Variants in GEMIN4 observed in about 807,000 individuals in gnomAD.
GEMIN4 encodes gem nuclear organelle associated protein 4, also known as gem-associated protein 4.
In GEMIN4, 59 loss-of-function variants were observed where a neutral mutation model predicts 76.8. The ratio of observed to expected loss-of-function variants is 0.77; its 90% confidence interval spans 0.62 to 0.95. GEMIN4 has a LOEUF of 0.95. GEMIN4 is among the 40% of genes least tolerant of loss of function. GEMIN4 has a pLI of 0.00. For synonymous variants in GEMIN4, 562 were observed against 559.7 expected, an observed-to-expected ratio of 1.00 and a Z score of -0.06; for missense variants, 1,311 against 1,318.9, an observed-to-expected ratio of 0.99 and a Z score of 0.09.
In GEMIN4 at chr17:745,350, G is replaced by C; in HGVS notation, c.2693C>G (p.Pro898Arg). 6.2e-7 allele frequency: 1 copy of C among 1,613,008 alleles called. No individual in the cohort carries two copies. The highest frequency in any genetic ancestry group is 8.5e-7 in the Non-Finnish European group (1 of 1,179,846). ...PYSLEYIQFV[P>R]LLNLKPFAQE... ...GGCAAAGGGCTTCAGGTTGAGCAGG[G>C]GAACAAACTGAATATATTCCAGGCT... Residue 898 changes from proline to arginine, a missense_variant, in exon 2 of 2, where the codon CCC becomes CGC. By Grantham distance (103) the Pro-to-Arg change is moderately radical (BLOSUM62 -2). Around this residue, in one of 2 missense-constraint regions of GEMIN4, gnomAD observed 1,208 missense variants for 1,166.9 expected, o/e 1.04. Transcript: ENST00000319004. The surrounding 1 kb of genome is among the most constrained non-coding windows in gnomAD (Gnocchi z 4.6).
chr17:747,959 AGG>A lies in GEMIN4; in HGVS notation c.82_83del (p.Pro28Ter), dbSNP rs772593937. 1.2e-6 allele frequency: 2 copies of A among 1,613,266 alleles called. No homozygotes were observed. The highest frequency in any genetic ancestry group is 1.7e-5 in the Admixed American group (1 of 59,946). On this transcript the variant is annotated frameshift_variant, in exon 2 of 2. Transcript: ENST00000319004. LOFTEE classifies it high-confidence loss of function. ...ACTTTGTTAATTCTGCCAGTGCCTT[AGG>A]GTGGAACAGCTGCTCGGCCAGCAAG... ...GFLLAEQLFH[P>X]KALAELTKSD...
In GEMIN4 at chr17:746,793, C is replaced by G; in HGVS notation, c.1250G>C (p.Arg417Pro). ...AMAVIQQKMD[R>P]HMEVCYIFAS... The stretch of plus-strand genomic sequence containing the variant: ...AAAAATGTAGCACACTTCCATATGG[C>G]GGTCCATCTTCTGCTGGATGACGGC... The change falls in exon 2 of 2, where the codon CGC becomes CCC. Residue 417 changes from arginine to proline, a missense_variant. By Grantham distance (103) the Arg-to-Pro change is moderately radical (BLOSUM62 -2). Transcript: ENST00000319004. This position sits in a 1 kb window ranked among gnomAD's most constrained non-coding sequence, Gnocchi z 4.3. 6.2e-7 allele frequency: 1 copy of G among 1,613,774 alleles called. No individual in the cohort carries two copies. The highest frequency in any genetic ancestry group is 8.5e-7 in the Non-Finnish European group (1 of 1,179,770).
At chr17:751,490 C>G (rs1904683363) in intron 1 of GEMIN4, among the ~76,000 whole-genome samples, 1 of 152,142 alleles carries the variant, frequency 6.6e-6, no homozygotes, top group South Asian at 2.1e-4. Flanking sequence ...CAGCGTGTGC[C>G]AAGATTTAGC....
Position 744,684 on chromosome 17 carries a change from T to G in GEMIN4, c.*182A>C, listed in dbSNP as rs1016981146. ...TACAAATACCCAAGAAACTATTTTCTTTACACCATTATTGCCATGACTTTT... is the reference window on the plus strand; with the variant it reads ...TACAAATACCCAAGAAACTATTTTCGTTACACCATTATTGCCATGACTTTT... On this transcript the variant is annotated 3_prime_UTR_variant, in exon 2 of 2. Transcript: ENST00000319004. The G allele has an allele frequency of 6.7e-6, 4 of 593,468 alleles. No homozygotes were observed. The highest frequency in any genetic ancestry group is 1.2e-5 in the Non-Finnish European group (4 of 347,672). The allele number at this position is 593,468 out of a possible 1,614,324, so 36.8% of individuals were successfully genotyped here.
At position 746,224 on chromosome 17, in the gene GEMIN4, G is replaced by A; in HGVS notation, c.1819C>T (p.Leu607Phe). Residue 607 changes from leucine to phenylalanine, a missense_variant, in exon 2 of 2, where the codon CTC (leucine) becomes TTC (phenylalanine). By Grantham distance (22) the Leu-to-Phe change is conservative. This residue lies in a region of GEMIN4 where 1,208 missense variants were observed against 1,166.9 expected (regional missense o/e 1.04). Coordinates refer to ENST00000319004, the MANE Select transcript of GEMIN4 (RefSeq NM_015721.3). This position sits in a 1 kb window ranked among gnomAD's most constrained non-coding sequence, Gnocchi z 4.3. The part of the protein sequence containing the change: ...NSSATFMVSC[L>F]KETVWMKFST... ...AACTTCATCCAGACGGTTTCTTTGA[G>A]GCATGACACCATGAAAGTGGCAGAT... The A allele has an allele frequency of 1.2e-6, 2 of 1,613,774 alleles. No individual in the cohort carries two copies. Among genetic ancestry groups the A allele is most frequent in the Non-Finnish European group, 1.7e-6 (2 of 1,179,894 alleles).
chr17:745,358 CTG>C lies in GEMIN4; in HGVS notation c.2683_2684del (p.Gln895ValfsTer31), dbSNP rs1362938780. 6.2e-7 allele frequency: 1 copy of C among 1,613,144 alleles called. No homozygotes were observed. The highest frequency in any genetic ancestry group is 8.5e-7 in the Non-Finnish European group (1 of 1,179,884). Reference protein sequence around the residue: ...LHVPYSLEYIQFVPLLNLKPF... With the variant: ...LHVPYSLEYIXFVPLLNLKPF... ...GCTTCAGGTTGAGCAGGGGAACAAA[CTG>C]AATATATTCCAGGCTATAAGGGACA... On this transcript the variant is annotated frameshift_variant, in exon 2 of 2. Coordinates refer to ENST00000319004, the MANE Select transcript of GEMIN4 (RefSeq NM_015721.3). LOFTEE classifies it high-confidence loss of function. The surrounding 1 kb of genome is among the most constrained non-coding windows in gnomAD (Gnocchi z 4.6).
chr17:744,833 C>A lies in GEMIN4; in HGVS notation c.*33G>T. 6.3e-7 allele frequency: 1 copy of A among 1,578,358 alleles called. No individual in the cohort carries two copies. The highest frequency in any genetic ancestry group is 1.3e-5 in the African/African-American group (1 of 74,124). On this transcript the variant is annotated 3_prime_UTR_variant, in exon 2 of 2. Transcript: ENST00000319004. ...AAGAAGCTGCTGATCTTCTGCAGAC[C>A]CGCCATGTTGGGGCCCAGCTCCCCA...
rs753091395 is a variant in GEMIN4 at position 745,761 on chromosome 17, C to T, written c.2282G>A (p.Arg761His). Residue 761 changes from arginine to histidine, a missense_variant, in exon 2 of 2, where the codon CGC becomes CAC. Transcript: ENST00000319004. This position sits in a 1 kb window ranked among gnomAD's most constrained non-coding sequence, Gnocchi z 4.6. The stretch of plus-strand genomic sequence containing the variant: ...AGTCCAGTCTAGCTGTTCTAACTTG[C>T]GGTGGAGCCAGGACAGGGACTTGAT... Reference protein sequence around the residue: ...VWIKSLSWLHRKLEQLDWTVG... With the variant: ...VWIKSLSWLHHKLEQLDWTVG... 8.7e-6 allele frequency: 14 copies of T among 1,610,138 alleles called. No individual in the cohort carries two copies. Among genetic ancestry groups the T allele is most frequent in the African/African-American group, 5.3e-5 (4 of 74,868 alleles).
At position 744,600 on chromosome 17, in the gene GEMIN4, G is replaced by A. The variant is rs986691671; in HGVS notation, c.*266C>T. 11 of 353,644 alleles carry A rather than the reference G, an allele frequency of 3.1e-5. No homozygotes were observed. The highest frequency in any genetic ancestry group is 5.6e-5 in the South Asian group (1 of 17,944). The allele number at this position is 353,644 out of a possible 1,614,324, so 21.9% of individuals were successfully genotyped here. ...TTAATCCTGGGCTATTGCTGAGGCC[G>A]ACTTAGAAGAGACAAAGTGAGATGC... On this transcript the variant is annotated 3_prime_UTR_variant, in exon 2 of 2. Transcript: ENST00000319004.
At position 745,060 on chromosome 17, in the gene GEMIN4, G is replaced by A. The variant is rs1974337450; in HGVS notation, c.2983C>T (p.Pro995Ser). ...ACGTAGAGTGGCTCACAGACCTCCG[G>A]GTGGAGCATGGCCATGATGTGCAGA... Reference protein sequence around the residue: ...HALHIMAMLHPEVCEPLYVLA... With the variant: ...HALHIMAMLHSEVCEPLYVLA... Residue 995 changes from proline to serine, a missense_variant, in exon 2 of 2, where the codon CCG (proline) becomes TCG (serine). Pro to Ser is a moderately conservative substitution (Grantham distance 74). Around this residue, in one of 2 missense-constraint regions of GEMIN4, gnomAD observed 1,208 missense variants for 1,166.9 expected, o/e 1.04. Coordinates refer to ENST00000319004, the MANE Select transcript of GEMIN4 (RefSeq NM_015721.3). This position sits in a 1 kb window ranked among gnomAD's most constrained non-coding sequence, Gnocchi z 4.6. The A allele has an allele frequency of 1.2e-6, 2 of 1,613,668 alleles. No individual in the cohort carries two copies. Among genetic ancestry groups the A allele is most frequent in the Non-Finnish European group, 1.7e-6 (2 of 1,179,860 alleles).
At chr17:751,838 G>A (rs1409918425) in intron 1 of GEMIN4, 1 of 365,318 alleles carries the variant, frequency 2.7e-6, no homozygotes. Flanking sequence ...GAGGGAGCCC[G>A]TTTCCCAAAG....
At position 744,952 on chromosome 17, in the gene GEMIN4, C is replaced by T. The variant is rs758656608; in HGVS notation, c.3091G>A (p.Glu1031Lys). 1.2e-5 allele frequency: 19 copies of T among 1,613,940 alleles called. No homozygotes were observed. Among genetic ancestry groups the T allele is most frequent in the South Asian group, 2.2e-5 (2 of 91,072 alleles). Reference sequence around the variant, plus strand: ...GCAATGGACTTTAAGAAGCGCTGCTCGTGTGCCCTCTGGAGCAAGGAGCTG... The same window carrying T: ...GCAATGGACTTTAAGAAGCGCTGCTTGTGTGCCCTCTGGAGCAAGGAGCTG... ...SVSSLLQRAH[E>K]QRFLKSIAEG... is the part of the protein sequence containing the mutation. The change falls in exon 2 of 2, where the codon GAG (glutamate) becomes AAG (lysine). Residue 1031 changes from glutamate to lysine, a missense_variant. Physicochemically the swap from Glu to Lys is moderately conservative, Grantham distance 56. Around this residue, in one of 2 missense-constraint regions of GEMIN4, gnomAD observed 1,208 missense variants for 1,166.9 expected, o/e 1.04. Transcript: ENST00000319004.
intron 1 of GEMIN4, among the ~76,000 whole-genome samples, chr17:751,097 CTCTATCATGGATGGT>C (rs1257294675): frequency 6.6e-6 from 1 of 152,206 alleles, no homozygotes; most frequent in Non-Finnish European, 1.5e-5. Flanking sequence ...TACTCCGGTA[CTCTATCATGGATGGT>C]TAACTAGTGC....
Position 745,973 on chromosome 17 carries a change from C to T in GEMIN4, c.2070G>A (p.Gln690=), listed in dbSNP as rs746151136. The T allele has an allele frequency of 6.2e-6, 10 of 1,613,330 alleles. No individual in the cohort carries two copies. In the East Asian group the frequency reaches 2.2e-4, roughly 36 times the overall value. Residue 690 remains glutamine (Q), a synonymous_variant, in exon 2 of 2, where the codon CAG becomes CAA. Transcript: ENST00000319004. This position sits in a 1 kb window ranked among gnomAD's most constrained non-coding sequence, Gnocchi z 4.6. ...ANACREEYWL[Q]TCSPFPLLFS... ...AGAGGAGTGGAAACGGGGAGCAGGT[C>T]TGGAGCCAGTATTCCTCTCGGCACG...
chr17:750,167 T>C (rs956830936), intron 1 of GEMIN4: 1 of 164,978 alleles, frequency 6.1e-6, no homozygotes, highest in African/African-American at 2.4e-5. Flanking sequence ...CTAGCTGGGG[T>C]AACACAGTGA....
rs1419625293 is a variant in GEMIN4, at chr17:745,955, T to A, written c.2088A>T (p.Pro696=). Residue 696 remains proline (P), a synonymous_variant, in exon 2 of 2, where the codon CCA becomes CCT. Transcript: ENST00000319004. The surrounding 1 kb of genome is among the most constrained non-coding windows in gnomAD (Gnocchi z 4.6). ...EYWLQTCSPF[P]LLFSLCQLLD... ...AGAGCTGGCACAAGCTGAAGAGGAG[T>A]GGAAACGGGGAGCAGGTCTGGAGCC... 2.5e-6 allele frequency: 4 copies of A among 1,612,670 alleles called. No homozygotes were observed. Among genetic ancestry groups the A allele is most frequent in the East Asian group, 2.2e-5 (1 of 44,852 alleles).
chr17:749,865 CCA>C (rs1161163082), intron 1 of GEMIN4: 1 of 992,150 alleles, frequency 1.0e-6, no homozygotes, highest in African/African-American at 1.7e-5. Context: ...ACGGTCCACC[CCA>C]CAGCTCCTTC....
chr17:744,787 C>CG lies in GEMIN4; in HGVS notation c.*78_*79insC. On this transcript the variant is annotated 3_prime_UTR_variant, in exon 2 of 2. Coordinates refer to ENST00000319004, the MANE Select transcript of GEMIN4 (RefSeq NM_015721.3). ...ACAGACCTGCCATGTTGAAGCCCAG[C>CG]TTTTTCGCTCCCGCACAGGTAAGAA... 2 of 1,463,266 alleles carry CG rather than the reference C, an allele frequency of 1.4e-6. No individual in the cohort carries two copies. Among genetic ancestry groups the CG allele is most frequent in the Non-Finnish European group, 1.8e-6 (2 of 1,107,352 alleles). The allele number at this position is 1,463,266 out of a possible 1,614,324, so 90.6% of individuals were successfully genotyped here. A position where few individuals can be genotyped will look rare whatever the true frequency, so the allele number is the denominator to read the frequency against.
chr17:747,650 G>C lies in GEMIN4; in HGVS notation c.393C>G (p.Ala131=), dbSNP rs931914008. The part of the protein sequence containing the change: ...ASGLFIQLLM[A]LPTTICHAEL... ...CTGCATGGCAGATGGTGGTGGGCAG[G>C]GCCATCAGGAGCTGGATAAAGAGTC... Residue 131 remains alanine (A), a synonymous_variant, in exon 2 of 2, where the codon GCC becomes GCG. Coordinates refer to ENST00000319004, the MANE Select transcript of GEMIN4 (RefSeq NM_015721.3). The C allele has an allele frequency of 1.2e-6, 2 of 1,613,926 alleles. No individual in the cohort carries two copies. Among genetic ancestry groups the C allele is most frequent in the African/African-American group, 2.7e-5 (2 of 75,016 alleles).
Sources: allele counts gnomAD v4.1 joint callset (sites outside exome capture counted in the v4.1 genomes callset), GRCh38; gene constraint gnomAD v4.1.1; regional missense constraint gnomAD v4.1.1; non-coding constraint Gnocchi (gnomAD v3.1); transcripts MANE v1.5; gene names NCBI Gene and HGNC (gene_info 2026-07-23, HGNC 2026-07-21).